Variants in CSMD2 observed in about 807,000 individuals in gnomAD.
CSMD2 encodes the protein CUB and sushi domain-containing protein 2.
A neutral mutation model predicts 398.5 loss-of-function variants in CSMD2; 130 were observed. That is an observed-to-expected ratio of 0.33 (90% CI 0.28 to 0.38). The LOEUF is 0.38. Among genes scored for constraint, CSMD2 ranks in the 10% least tolerant of loss-of-function variants. The pLI is 1.00. For synonymous variants in CSMD2, 1,828 were observed against 1,908.5 expected, an observed-to-expected ratio of 0.96 and a Z score of 1.10; for missense variants, 3,829 against 4,764.9, an observed-to-expected ratio of 0.80 and a Z score of 5.78.
intron 3 of CSMD2, among the ~76,000 whole-genome samples, chr1:33,968,038 C>T (rs1222047821): frequency 6.6e-6 from 1 of 152,198 alleles, no homozygotes; most frequent in African/African-American, 2.4e-5. Flanking sequence ...CCCTGGCTAA[C>T]TATCACTGGT....
intron 10 of CSMD2, among the ~76,000 whole-genome samples, chr1:33,793,695 A>AGTGAGGCTTGTG (rs6143183): frequency 2.7e-4 from 41 of 152,102 alleles, no homozygotes; most frequent in African/African-American, 9.2e-4. Context: ...CATTGGCAGG[A>AGTGAGGCTTGTG]GTGAGGATGG....
Position 33,856,190 on chromosome 1 carries a change from G to A in CSMD2, c.921-9194C>T, listed in dbSNP as rs559719951. 5.3e-5 allele frequency among the ~76,000 whole-genome samples: 8 copies of A among 152,306 alleles called. No individual in the cohort carries two copies. In the East Asian group the frequency reaches 1.5e-3, roughly 29 times the overall value. The stretch of plus-strand genomic sequence containing the variant: ...GCTGGGGTTTGAGAAGAGGTGGTGG[G>A]ATCTTACCAATGCCTTGAACCCAAC... On this transcript the variant is annotated intron_variant, in intron 5 of 70. Transcript: ENST00000373381.
At chr1:33,845,854 T>C (rs1661301814) in intron 6 of CSMD2, among the ~76,000 whole-genome samples, 1 of 152,204 alleles carries the variant, frequency 6.6e-6, no homozygotes, top group Non-Finnish European at 1.5e-5. Flanking sequence ...AGGAGCCTTG[T>C]GGAGGGGGCA....
chr1:33,971,991 G>A (rs9425975), intron 3 of CSMD2, among the ~76,000 whole-genome samples: 3,347 of 152,210 alleles, frequency 0.022, 127 homozygotes, highest in African/African-American at 0.076. Context: ...ACTCCCTAGG[G>A]AAGCTAGTCC....
intron 1 of CSMD2, among the ~76,000 whole-genome samples, chr1:34,143,627 C>G (rs1223189999): frequency 6.6e-6 from 1 of 152,204 alleles, no homozygotes; most frequent in Non-Finnish European, 1.5e-5. Flanking sequence ...TCCCAGAACC[C>G]AGCATGGTAT....
chr1:33,970,790 G>C (rs961807197), intron 3 of CSMD2, among the ~76,000 whole-genome samples: 3 of 152,188 alleles, frequency 2.0e-5, no homozygotes, highest in African/African-American at 7.2e-5. Context: ...TGATTTTCCA[G>C]GTCACTTAAC....
chr1:33,797,523 C>T (rs2124904005), intron 10 of CSMD2, among the ~76,000 whole-genome samples: 1 of 152,314 alleles, frequency 6.6e-6, no homozygotes, highest in East Asian at 1.9e-4. Flanking sequence ...AGCTGGGACT[C>T]CCACCAGGCA....
chr1:34,078,748 C>T (rs1232979725), intron 2 of CSMD2, among the ~76,000 whole-genome samples: 1 of 152,218 alleles, frequency 6.6e-6, no homozygotes, highest in African/African-American at 2.4e-5. Context: ...ATCTACCAGA[C>T]AAGTGAAGAA....
At position 33,836,398 on chromosome 1, in the gene CSMD2, A is replaced by C. The variant is rs6674334; in HGVS notation, c.1033+10486T>G. On this transcript the variant is annotated intron_variant, in intron 6 of 70. Transcript: ENST00000373381. ...ACTACTCTCTTCAAAGCTGTCAGAC[A>C]GGGACATTTAAGTCTGCAGAAGTTT... 5.4e-3 allele frequency among the ~76,000 whole-genome samples: 822 copies of C among 152,352 alleles called. 6 individuals carry two copies. Among genetic ancestry groups the C allele is most frequent in the African/African-American group, 0.019 (772 of 41,590 alleles).
chr1:33,599,239 T>C (rs1047543947), intron 44 of CSMD2: 2 of 152,268 alleles, frequency 1.3e-5, no homozygotes, highest in African/African-American at 4.8e-5. Flanking sequence ...GAAATAAGGA[T>C]GGCCTGGGGC....
At chr1:34,062,047 A>G (rs944463236) in intron 2 of CSMD2, among the ~76,000 whole-genome samples, 4 of 152,202 alleles carry the variant, frequency 2.6e-5, no homozygotes, top group East Asian at 3.8e-4. Context: ...TAAGACCCCA[A>G]TGTCATGAGT....
At chr1:34,147,093 TAAAAATACAA>T (rs1240443232) in intron 1 of CSMD2, among the ~76,000 whole-genome samples, 1 of 151,828 alleles carries the variant, frequency 6.6e-6, no homozygotes, top group African/African-American at 2.4e-5. Flanking sequence ...CCATCTCTAC[TAAAAATACAA>T]AAAAATTAGC....
At chr1:33,712,488 G>C (rs959596122) in intron 21 of CSMD2, among the ~76,000 whole-genome samples, 1 of 152,206 alleles carries the variant, frequency 6.6e-6, no homozygotes, top group Non-Finnish European at 1.5e-5. Flanking sequence ...CCTGAGCCTC[G>C]GCAGCAGGGC....
chr1:33,693,184 C>G (rs1645300696), intron 24 of CSMD2, 128 bp from the exon 25 acceptor site: 7 of 1,098,038 alleles, frequency 6.4e-6, no homozygotes, highest in Non-Finnish European at 8.8e-6. Context: ...TGATTGAGCA[C>G]AGCATATTAA....
At chr1:33,984,140 C>T (rs1015221488) in intron 3 of CSMD2, among the ~76,000 whole-genome samples, 2 of 147,254 alleles carry the variant, frequency 1.4e-5, no homozygotes, top group Non-Finnish European at 3.0e-5. Flanking sequence ...GGTGACAGAG[C>T]GAGACTCTGT....
chr1:34,034,003 T>G (rs1650791591), intron 2 of CSMD2, among the ~76,000 whole-genome samples: 1 of 152,170 alleles, frequency 6.6e-6, no homozygotes, highest in South Asian at 2.1e-4. Flanking sequence ...CAAGGGCATC[T>G]TCTCTTCAAA....
At position 33,521,358 on chromosome 1, in the gene CSMD2, C is replaced by G. The variant is rs768990318; in HGVS notation, c.10597+105G>C. On this transcript the variant is annotated intron_variant, in intron 68 of 70. Transcript: ENST00000373381. ...GATCCCAAAGAGGCCAAAGCACCCC[C>G]GCCTCAGACTGTTCAACTTCCCCAG... 1.4e-5 allele frequency: 11 copies of G among 779,298 alleles called. No homozygotes were observed. The Admixed American group carries it at 2.1e-4, about 15-fold the overall frequency. The allele number at this position is 779,298 out of a possible 1,614,324, so 48.3% of individuals were successfully genotyped here. A position where few individuals can be genotyped will look rare whatever the true frequency, so the allele number is the denominator to read the frequency against.
chr1:33,692,407 G>A (rs1254054051), intron 25 of CSMD2, among the ~76,000 whole-genome samples: 1 of 152,196 alleles, frequency 6.6e-6, no homozygotes, highest in Non-Finnish European at 1.5e-5. Context: ...AAAAAGGGAA[G>A]CAATCTGCCA....
intron 2 of CSMD2, among the ~76,000 whole-genome samples, chr1:34,064,703 G>T (rs145107313): frequency 6.6e-6 from 1 of 152,006 alleles, no homozygotes; most frequent in African/African-American, 2.4e-5. Flanking sequence ...CCACATTTTC[G>T]GGTATCTTTT....
Sources: allele counts gnomAD v4.1 joint callset (sites outside exome capture counted in the v4.1 genomes callset), GRCh38; gene constraint gnomAD v4.1.1; transcripts MANE v1.5; gene names NCBI Gene and HGNC (gene_info 2026-07-23, HGNC 2026-07-21).